The following GRIP2 variants were observed in gnomAD, a reference collection of about 807,000 sequenced individuals.
GRIP2 encodes glutamate receptor-interacting protein 2.
Under a neutral mutation model 108.3 loss-of-function variants are expected in GRIP2, and 58 were observed. The ratio of observed to expected loss-of-function variants is 0.54; its 90% CI spans 0.43 to 0.67. GRIP2 has a LOEUF of 0.67. GRIP2 is among the 30% of genes least tolerant of loss of function. The pLI is 0.00. For missense variants in GRIP2, 1,278 were observed against 1,430.6 expected, an observed-to-expected ratio of 0.89 and a Z score of 1.72; for synonymous variants, 586 against 598.2, an observed-to-expected ratio of 0.98 and a Z score of 0.30.
At chr3:14,498,767 C>T (rs1050271640) in intron 21 of GRIP2, among the ~76,000 whole-genome samples, 2 of 152,150 alleles carry the variant, frequency 1.3e-5, no homozygotes, top group African/African-American at 2.4e-5. Flanking sequence ...GAAGTTCACA[C>T]CTCCCTTCAA....
rs1190200486 is a variant in GRIP2 at position 14,507,138 on chromosome 3, G to A, written c.2219-158C>T. On this transcript the variant is annotated intron_variant, in intron 18 of 23. Transcript: ENST00000621039. This position sits in a 1 kb window ranked among gnomAD's most constrained non-coding sequence, Gnocchi z 4.6. The stretch of plus-strand genomic sequence containing the variant: ...AATAAGCAAACCTGTTTCACAGATG[G>A]GAAAACTGAGGCTCGGGGAAGCTGA... 6.6e-6 allele frequency among the ~76,000 whole-genome samples: 1 copy of A among 152,154 alleles called. No homozygotes were observed. Among genetic ancestry groups the A allele is most frequent in the East Asian group, 1.9e-4 (1 of 5,182 alleles).
intron 1 of GRIP2, among the ~76,000 whole-genome samples, chr3:14,530,238 C>T (rs1391646935): frequency 6.6e-6 from 1 of 152,204 alleles, no homozygotes; most frequent in East Asian, 1.9e-4. Context: ...GCCGGGGTCT[C>T]AGTACCAACT....
rs148141403 is a variant in GRIP2, at chr3:14,511,322, G to A, written c.1788-12C>T. The A allele has an allele frequency of 1.8e-5, 29 of 1,613,954 alleles. No homozygotes were observed. The Middle Eastern group carries it at 8.2e-4, about 46-fold the overall frequency. ...CCAGGGTGCCCGTCCTGCATGAGTC[G>A]GGGGCAGAGGGGATGGAAGGAGCCT... On this transcript the variant is annotated splice_polypyrimidine_tract_variant and intron_variant, in intron 15 of 23. Transcript: ENST00000621039. This position sits in a 1 kb window ranked among gnomAD's most constrained non-coding sequence, Gnocchi z 4.1.
chr3:14,512,656 C>G lies in GRIP2; in HGVS notation c.1720+121G>C. On this transcript the variant is annotated intron_variant, in intron 14 of 23. Coordinates refer to ENST00000621039, the MANE Select transcript of GRIP2 (RefSeq NM_001080423.4). This position sits in a 1 kb window ranked among gnomAD's most constrained non-coding sequence, Gnocchi z 5.1. Reference sequence around the variant, plus strand: ...AAGCCAGCCTCCCCACACCCCCAAGCCTTTTCCTCGGGCCCCGCAGGGTGT... The same window carrying G: ...AAGCCAGCCTCCCCACACCCCCAAGGCTTTTCCTCGGGCCCCGCAGGGTGT... 1.1e-6 allele frequency: 1 copy of G among 897,126 alleles called. No homozygotes were observed. The highest frequency in any genetic ancestry group is 1.6e-5 in the South Asian group (1 of 60,950). 55.6% of individuals were successfully genotyped at this position (897,126 alleles called of 1,614,324 possible).
At chr3:14,495,103 C>A (rs1693550748) in intron 22 of GRIP2, 114 bp from the exon 23 acceptor site, 4 of 1,350,336 alleles carry the variant, frequency 3.0e-6, no homozygotes, top group South Asian at 1.4e-5. Context: ...CCACACCCCC[C>A]AGGCTGCAGC....
At position 14,517,613 on chromosome 3, in the gene GRIP2, C is replaced by T. The variant is rs543395547; in HGVS notation, c.1156+159G>A. The stretch of plus-strand genomic sequence containing the variant: ...ACCTCCCAGGCTGAAGCGATCCTCC[C>T]GCCTCAGCCTCCCGAGTGGCTGGGA... On this transcript the variant is annotated intron_variant, in intron 10 of 23. Coordinates refer to ENST00000621039, the MANE Select transcript of GRIP2 (RefSeq NM_001080423.4). Among the ~76,000 whole-genome samples, 11 of 151,018 alleles carry T rather than the reference C, an allele frequency of 7.3e-5. No individual in the cohort carries two copies. The South Asian group carries it at 1.7e-3, about 23-fold the overall frequency.
chr3:14,555,243 C>T (rs998762808), intron 1 of GRIP2, among the ~76,000 whole-genome samples: 1 of 152,108 alleles, frequency 6.6e-6, no homozygotes, highest in Non-Finnish European at 1.5e-5. Context: ...CCCAACTCCC[C>T]ACGTACAGCC....
At chr3:14,582,385 G>T in the GRIP2 span, among the ~76,000 whole-genome samples, 3 of 152,188 alleles carry the variant, frequency 2.0e-5, no homozygotes, top group Non-Finnish European at 4.4e-5. Flanking sequence ...TAGGCACAGG[G>T]TGAGACCAGA....
chr3:14,571,776 G>T, the GRIP2 span, among the ~76,000 whole-genome samples: 1 of 152,196 alleles, frequency 6.6e-6, no homozygotes, highest in Non-Finnish European at 1.5e-5. Context: ...AACCTGGGCA[G>T]GGTCCCAGGA....
chr3:14,500,977 T>G (rs905424061), intron 21 of GRIP2, among the ~76,000 whole-genome samples: 6 of 152,156 alleles, frequency 3.9e-5, no homozygotes, highest in African/African-American at 1.4e-4. Flanking sequence ...AAAAACCAAG[T>G]TCAGAAAATA....
In GRIP2 at chr3:14,540,197, T is replaced by C. The variant is rs1351137010; in HGVS notation, c.40+72A>G. 2.6e-6 allele frequency: 4 copies of C among 1,554,058 alleles called. No homozygotes were observed. The African/African-American group carries it at 4.1e-5, about 16-fold the overall frequency. The stretch of plus-strand genomic sequence containing the variant: ...GGTCTCAGCCATCCAGTCCCCTCTC[T>C]CTGGGCAGCAGCTCCAGAGGGATCT... On this transcript the variant is annotated intron_variant, in intron 1 of 23. Coordinates refer to ENST00000621039, the MANE Select transcript of GRIP2 (RefSeq NM_001080423.4). The surrounding 1 kb of genome is among the most constrained non-coding windows in gnomAD (Gnocchi z 4.1).
chr3:14,524,261 G>T lies in GRIP2; in HGVS notation c.403+132C>A, dbSNP rs987282940. 6.6e-6 allele frequency: 7 copies of T among 1,056,486 alleles called. No homozygotes were observed. The African/African-American group carries it at 8.0e-5, about 12-fold the overall frequency. The allele number at this position is 1,056,486 out of a possible 1,614,324, so 65.4% of individuals were successfully genotyped here. ...CACAGCCCCTAGGCGAGGTATGGAT[G>T]CTTGTGGCCAGTCTCCAGGTTCTAC... On this transcript the variant is annotated intron_variant, in intron 4 of 23. Coordinates refer to ENST00000621039, the MANE Select transcript of GRIP2 (RefSeq NM_001080423.4).
At chr3:14,581,432 C>T in the GRIP2 span, among the ~76,000 whole-genome samples, 2 of 152,200 alleles carry the variant, frequency 1.3e-5, no homozygotes, top group Non-Finnish European at 2.9e-5. Context: ...CCAACCCTGT[C>T]CATGTGGTTC....
At chr3:14,528,968 T>C (rs1694634748) in intron 1 of GRIP2, among the ~76,000 whole-genome samples, 1 of 152,132 alleles carries the variant, frequency 6.6e-6, no homozygotes, top group Non-Finnish European at 1.5e-5. Flanking sequence ...TGTGTCGCAC[T>C]AAAGTTTGAA....
chr3:14,542,134 TTCTCTC>T, upstream of GRIP2: 2 of 1,116,326 alleles, frequency 1.8e-6, no homozygotes, highest in South Asian at 1.4e-5. Flanking sequence ...CTCTTTCTCT[TTCTCTC>T]TTTTTATTTT....
chr3:14,507,025 C>T lies in GRIP2; in HGVS notation c.2219-45G>A, dbSNP rs1022599802. The T allele has an allele frequency of 6.6e-7, 1 of 1,506,562 alleles. No homozygotes were observed. The highest frequency in any genetic ancestry group is 9.0e-7 in the Non-Finnish European group (1 of 1,114,028). 93.3% of individuals were successfully genotyped at this position (1,506,562 alleles called of 1,614,324 possible). On this transcript the variant is annotated intron_variant, in intron 18 of 23. Coordinates refer to ENST00000621039, the MANE Select transcript of GRIP2 (RefSeq NM_001080423.4). The surrounding 1 kb of genome is among the most constrained non-coding windows in gnomAD (Gnocchi z 4.6). ...TCAATTCTGACTTCAGAGACACTCA[C>T]AGTGAGCCTCAGTTTCTGCATTTCA...
rs771713906 is a variant in GRIP2, at chr3:14,523,614, C to G, written c.488G>C (p.Arg163Thr). 2 of 1,607,946 alleles carry G rather than the reference C, an allele frequency of 1.2e-6. No individual in the cohort carries two copies. Among genetic ancestry groups the G allele is most frequent in the Non-Finnish European group, 1.7e-6 (2 of 1,175,998 alleles). The change falls in exon 5 of 24, where the codon AGA (arginine) becomes ACA (threonine). Residue 163 changes from arginine (R) to threonine (T), a missense_variant and splice_region_variant. Physicochemically the swap from Arg to Thr is moderately conservative, Grantham distance 71 (BLOSUM62 -1). Coordinates refer to ENST00000621039, the MANE Select transcript of GRIP2 (RefSeq NM_001080423.4). ...CCAAGGGCAATTCTTTCACTGACCT[C>G]TAAGGACAAAGCCAAAGCTATTGCC... ...KEGNSFGFVLRGGAHEDGHKS... is the reference protein window; with the variant it reads ...KEGNSFGFVLTGGAHEDGHKS...
chr3:14,501,967 T>G (rs892137654), intron 21 of GRIP2, among the ~76,000 whole-genome samples: 2 of 151,896 alleles, frequency 1.3e-5, no homozygotes, highest in African/African-American at 4.8e-5. Context: ...AAAGGAAAGA[T>G]GGACGATCAG....
At chr3:14,527,271 G>GGAAGT (rs200171748) in intron 1 of GRIP2, among the ~76,000 whole-genome samples, 2 of 151,514 alleles carry the variant, frequency 1.3e-5, no homozygotes, top group East Asian at 3.9e-4. Flanking sequence ...GGAAGGGAAG[G>GGAAGT]TATTTCTTTT....
Sources: allele counts gnomAD v4.1 joint callset (sites outside exome capture counted in the v4.1 genomes callset), GRCh38; gene constraint gnomAD v4.1.1; non-coding constraint Gnocchi (gnomAD v3.1); transcripts MANE v1.5; gene names NCBI Gene and HGNC (gene_info 2026-07-23, HGNC 2026-07-21).